Variants in IGF1R observed in about 807,000 individuals in gnomAD.
IGF1R encodes insulin like growth factor 1 receptor, also known as insulin-like growth factor 1 receptor.
IGF1R carries 44 observed loss-of-function variants against 144.6 expected under a neutral mutation model. That is an observed-to-expected ratio of 0.30 (90% CI 0.24 to 0.39). The LOEUF (loss-of-function observed/expected upper bound fraction) is 0.39, where lower values mean the gene tolerates loss of function less well. IGF1R is among the 10% of genes least tolerant of loss of function. The probability of loss-of-function intolerance (pLI) is 1.00; values close to 1 mark genes in which losing one functional copy is unlikely to be tolerated. For missense variants in IGF1R, 1,355 were observed against 1,833.7 expected (o/e 0.74, Z 4.77); for synonymous variants, 795 against 722.8 (o/e 1.10, Z -1.60).
Position 98,878,676 on chromosome 15 carries a change from AAAAAAAAAAAAAAAAAAAACAAC to A in IGF1R, c.641-12646_641-12624del, listed in dbSNP as rs1474329208. ...TTGTGAAAGACTCAAAAAAAAAAAA[AAAAAAAAAAAAAAAAAAAACAAC>A]AACAAAAAAAAGGCCAGGCACGGTG... is the stretch of plus-strand genomic sequence containing the variant. On this transcript the variant is annotated intron_variant, in intron 2 of 20. Coordinates refer to ENST00000650285, the MANE Select transcript of IGF1R (RefSeq NM_000875.5). Among the ~76,000 whole-genome samples, 113 of 92,350 alleles carry A rather than the reference AAAAAAAAAAAAAAAAAAAACAAC, an allele frequency of 1.2e-3. 1 individual carries two copies. The highest frequency in any genetic ancestry group is 3.4e-3 in the African/African-American group (109 of 31,700). 60.6% of individuals were successfully genotyped at this position (92,350 alleles called of 152,430 possible).
At chr15:98,799,697 C>T (rs1181013445) in intron 2 of IGF1R, among the ~76,000 whole-genome samples, 1 of 152,086 alleles carries the variant, frequency 6.6e-6, no homozygotes, top group Non-Finnish European at 1.5e-5. Flanking sequence ...GTGCTGAGGG[C>T]TGCTGTTACC....
intron 2 of IGF1R, among the ~76,000 whole-genome samples, chr15:98,788,588 G>A (rs1233215811): frequency 6.6e-6 from 1 of 152,186 alleles, no homozygotes; most frequent in Non-Finnish European, 1.5e-5. Context: ...TTCCCTGAAT[G>A]CATGTAAATA....
At chr15:98,737,245 C>G (rs1413378357) in intron 2 of IGF1R, among the ~76,000 whole-genome samples, 2 of 152,214 alleles carry the variant, frequency 1.3e-5, no homozygotes, top group African/African-American at 4.8e-5. Context: ...GGCAGCTGCT[C>G]TGTGCCATCC....
At chr15:98,894,892 G>A (rs912246863) in intron 3 of IGF1R, among the ~76,000 whole-genome samples, 8 of 152,102 alleles carry the variant, frequency 5.3e-5, no homozygotes, top group African/African-American at 1.9e-4. Flanking sequence ...CTGGTGATGG[G>A]TGCCTGTATT....
chr15:98,757,045 A>G (rs1247638399), intron 2 of IGF1R, among the ~76,000 whole-genome samples: 1 of 152,222 alleles, frequency 6.6e-6, no homozygotes, highest in Non-Finnish European at 1.5e-5. Context: ...CCCTTGGTAA[A>G]ATGCAAAGGT....
intron 1 of IGF1R, among the ~76,000 whole-genome samples, chr15:98,669,580 G>A (rs2052834620): frequency 6.6e-6 from 1 of 152,212 alleles, no homozygotes; most frequent in South Asian, 2.1e-4. Flanking sequence ...GCATGACAGG[G>A]CGGGTCATCG....
At chr15:98,868,778 G>T (rs984603102) in intron 2 of IGF1R, among the ~76,000 whole-genome samples, 1 of 152,150 alleles carries the variant, frequency 6.6e-6, no homozygotes, top group Non-Finnish European at 1.5e-5. Context: ...TATGCCAAGC[G>T]CTTAGCACGG....
At chr15:98,833,457 AGC>A (rs2057038354) in intron 2 of IGF1R, among the ~76,000 whole-genome samples, 3 of 152,204 alleles carry the variant, frequency 2.0e-5, no homozygotes, top group African/African-American at 7.2e-5. Flanking sequence ...TGTGGAAGTG[AGC>A]GATTCTCTTT....
intron 11 of IGF1R, 94 bp from the exon 12 acceptor site, chr15:98,923,782 G>T (rs1365844432): frequency 9.1e-6 from 9 of 988,354 alleles, no homozygotes; most frequent in African/African-American, 7.9e-5. Flanking sequence ...TGTCCTGCCC[G>T]TGTGGATGGG....
intron 10 of IGF1R, among the ~76,000 whole-genome samples, chr15:98,921,545 C>T (rs929296836): frequency 6.6e-6 from 1 of 152,064 alleles, no homozygotes; most frequent in African/African-American, 2.4e-5. Flanking sequence ...GTGTAGCAAG[C>T]ACAGACGCTT....
At chr15:98,670,028 G>T (rs1347264756) in intron 1 of IGF1R, among the ~76,000 whole-genome samples, 3 of 152,198 alleles carry the variant, frequency 2.0e-5, no homozygotes, top group African/African-American at 7.2e-5. Flanking sequence ...TGGGTAGAGA[G>T]AATTTGGTTT....
chr15:98,785,495 G>T (rs527502329), intron 2 of IGF1R, among the ~76,000 whole-genome samples: 1 of 152,224 alleles, frequency 6.6e-6, no homozygotes, highest in South Asian at 2.1e-4. Context: ...CATAAGGAAG[G>T]GTAGCAAAAT....
chr15:98,789,839 G>T (rs1033712347), intron 2 of IGF1R, among the ~76,000 whole-genome samples: 1 of 152,168 alleles, frequency 6.6e-6, no homozygotes, highest in Admixed American at 6.5e-5. Context: ...GGGTGGAAAA[G>T]CACCATGGGA....
At chr15:98,916,159 A>G (rs748279231) in intron 9 of IGF1R, 28 bp downstream of exon 9, 2 of 1,605,496 alleles carry the variant, frequency 1.2e-6, no homozygotes, top group African/African-American at 2.7e-5. Flanking sequence ...GCCTGGACGG[A>G]GGGTGTGACC....
chr15:98,731,671 T>C (rs2054500045), intron 2 of IGF1R, among the ~76,000 whole-genome samples: 1 of 152,202 alleles, frequency 6.6e-6, no homozygotes, highest in Non-Finnish European at 1.5e-5. Flanking sequence ...AGTGCACCCT[T>C]TGGGCTTGGT....
chr15:98,798,712 G>T (rs1335149441), intron 2 of IGF1R, among the ~76,000 whole-genome samples: 1 of 152,082 alleles, frequency 6.6e-6, no homozygotes, highest in East Asian at 1.9e-4. Context: ...GGAGCCTGGT[G>T]AGTGACAGGC....
intron 2 of IGF1R, among the ~76,000 whole-genome samples, chr15:98,741,235 CTTTTTTTTTT>C (rs540942858): frequency 7.1e-5 from 5 of 70,328 alleles, no homozygotes; most frequent in Non-Finnish European, 1.3e-4. Flanking sequence ...TTTTCCTGAG[CTTTTTTTTTT>C]TTTTTTTTTT....
chr15:98,831,037 A>G (rs920033179), intron 2 of IGF1R, among the ~76,000 whole-genome samples: 18 of 152,076 alleles, frequency 1.2e-4, no homozygotes, highest in African/African-American at 4.3e-4. Flanking sequence ...CAGAGTGAGA[A>G]CTCACTCTTT....
rs566971244 is a variant in IGF1R at position 98,797,274 on chromosome 15, G to A, written c.640+89167G>A. Among the ~76,000 whole-genome samples the A allele has an allele frequency of 9.2e-5, 14 of 152,340 alleles. No homozygotes were observed. In the South Asian group the frequency reaches 2.9e-3, roughly 32 times the overall value. On this transcript the variant is annotated intron_variant, in intron 2 of 20. Transcript: ENST00000650285. ...GGAGCTCAGTGTTGGCCCCTGGGCT[G>A]CAGCCCGAGCCCCGTTTTAGAGCTG...
Sources: gnomAD v4.1 joint callset for allele counts (sites outside exome capture counted in the v4.1 genomes callset) on GRCh38, gnomAD v4.1.1 for gene constraint, MANE v1.5 for transcripts, NCBI Gene and HGNC (gene_info 2026-07-23, HGNC 2026-07-21) for gene names.